RNF13: variants seen among roughly 807,000 people sequenced by gnomAD.
The protein encoded by RNF13 is ring finger protein 13.
Under a neutral mutation model 37.7 loss-of-function variants are expected in RNF13, and 19 were observed. The ratio of observed to expected loss-of-function variants is 0.50; its 90% CI spans 0.35 to 0.74. The LOEUF (loss-of-function observed/expected upper bound fraction) is 0.74. RNF13 is among the 30% of genes least tolerant of loss of function. RNF13 has a pLI of 0.01. For synonymous variants in RNF13, 144 were observed against 157.8 expected (o/e 0.91, Z 0.65); for missense variants, 375 against 453.0 (o/e 0.83, Z 1.56).
In RNF13 at chr3:149,872,052, A is replaced by G; in HGVS notation, c.219A>G (p.Pro73=). The change falls in exon 4 of 10, where the codon CCA becomes CCG. Residue 73 remains proline (P), a synonymous_variant. Transcript: ENST00000392894. ...GLKGFLINSK[P]ENACEPIVPP... ...AGGGTTTTTTGATTAACTCAAAACCAGAGAATGCCTGTGAACCCATAGTGC... is the reference window on the plus strand; with the variant it reads ...AGGGTTTTTTGATTAACTCAAAACCGGAGAATGCCTGTGAACCCATAGTGC... 6.2e-7 allele frequency: 1 copy of G among 1,601,076 alleles called. No individual in the cohort carries two copies. The highest frequency in any genetic ancestry group is 8.5e-7 in the Non-Finnish European group (1 of 1,176,550).
At chr3:149,855,804 C>T (rs1409995612) in intron 3 of RNF13, among the ~76,000 whole-genome samples, 1 of 152,018 alleles carries the variant, frequency 6.6e-6, no homozygotes, top group Non-Finnish European at 1.5e-5. Flanking sequence ...ACTTATCTCC[C>T]TATACTCTTG....
intron 7 of RNF13, among the ~76,000 whole-genome samples, chr3:149,912,474 T>C (rs1717091269): frequency 6.6e-6 from 1 of 152,150 alleles, no homozygotes; most frequent in African/African-American, 2.4e-5. Context: ...AAAAATTTAC[T>C]AAACCTAGTA....
chr3:149,919,130 T>C (rs1259626955), intron 7 of RNF13, among the ~76,000 whole-genome samples: 1 of 152,198 alleles, frequency 6.6e-6, no homozygotes. Context: ...GTGGTTACCA[T>C]TAAACTTTAA....
In RNF13 at chr3:149,852,557, TG is replaced by T; in HGVS notation, c.157del (p.Ala53GlnfsTer12). ...CATCTCAGACATTTGATGACCTCCC[TG>T]CAAGATTTGGTTATAGACTTCCAGC... ...NASQTFDDLP[A>X]RFGYRLPAEG... is the part of the protein sequence containing the mutation. On this transcript the variant is annotated frameshift_variant, in exon 3 of 10. Transcript: ENST00000392894. LOFTEE classifies it high-confidence loss of function. The T allele has an allele frequency of 6.4e-7, 1 of 1,565,238 alleles. No homozygotes were observed. The highest frequency in any genetic ancestry group is 1.2e-5 in the South Asian group (1 of 82,340).
At chr3:149,947,929 T>C (rs987181133) in intron 8 of RNF13, among the ~76,000 whole-genome samples, 2 of 152,130 alleles carry the variant, frequency 1.3e-5, no homozygotes, top group East Asian at 3.9e-4. Context: ...TTTCCACCTT[T>C]TCACTTTTAG....
intron 1 of RNF13, among the ~76,000 whole-genome samples, chr3:149,814,800 A>G (rs1173700078): frequency 6.6e-6 from 1 of 152,246 alleles, no homozygotes. Flanking sequence ...TTCCGTAAAT[A>G]AGAAATGAGT....
At chr3:149,847,050 G>C (rs1722708421) in intron 2 of RNF13, among the ~76,000 whole-genome samples, 1 of 152,174 alleles carries the variant, frequency 6.6e-6, no homozygotes, top group Admixed American at 6.6e-5. Flanking sequence ...GGCTTGACTA[G>C]TGAGCTTTCG....
chr3:149,873,964 G>GTAA (rs1712391615), intron 4 of RNF13, among the ~76,000 whole-genome samples: 1 of 152,120 alleles, frequency 6.6e-6, no homozygotes, highest in Non-Finnish European at 1.5e-5. Context: ...ATGAAGCTGT[G>GTAA]TAATAGTCTT....
chr3:149,870,237 CT>C (rs1214282809), intron 3 of RNF13, among the ~76,000 whole-genome samples: 2 of 151,662 alleles, frequency 1.3e-5, no homozygotes, highest in African/African-American at 4.8e-5. Flanking sequence ...TTTGGTCTTA[CT>C]TTTCCAGTGT....
chr3:149,954,445 GA>G (rs1473651472), intron 8 of RNF13, among the ~76,000 whole-genome samples: 3 of 151,788 alleles, frequency 2.0e-5, no homozygotes, highest in Non-Finnish European at 4.4e-5. Flanking sequence ...AAACAAAAAA[GA>G]AAAAAAGAAA....
intron 8 of RNF13, among the ~76,000 whole-genome samples, chr3:149,955,087 T>C (rs969096609): frequency 1.3e-5 from 2 of 152,178 alleles, no homozygotes; most frequent in Non-Finnish European, 2.9e-5. Context: ...ATGATAAAAG[T>C]AGATTTCATA....
At chr3:149,957,422 G>A (rs758590558) in intron 8 of RNF13, among the ~76,000 whole-genome samples, 1 of 151,950 alleles carries the variant, frequency 6.6e-6, no homozygotes, top group Non-Finnish European at 1.5e-5. Flanking sequence ...TATTTCTAAT[G>A]CATTCAACCT....
intron 6 of RNF13, among the ~76,000 whole-genome samples, chr3:149,906,756 A>T (rs1716453616): frequency 6.9e-6 from 1 of 144,664 alleles, no homozygotes; most frequent in South Asian, 2.2e-4. Context: ...GGCTCAGGTG[A>T]TCCTCCCACT....
At chr3:149,956,142 T>C (rs1343762788) in intron 8 of RNF13, among the ~76,000 whole-genome samples, 1 of 152,062 alleles carries the variant, frequency 6.6e-6, no homozygotes, top group Non-Finnish European at 1.5e-5. Context: ...GGAGGTCAAA[T>C]TTTATTCTCA....
rs1444966216 is a variant in RNF13, at chr3:149,833,886, A to G, written c.-16-12125A>G. Among the ~76,000 whole-genome samples the G allele has an allele frequency of 2.0e-5, 3 of 152,226 alleles. No individual in the cohort carries two copies. The East Asian group carries it at 5.8e-4, about 29-fold the overall frequency. On this transcript the variant is annotated intron_variant, in intron 1 of 9. Coordinates refer to ENST00000392894, the MANE Select transcript of RNF13 (RefSeq NM_183381.3). ...TCTAAGATTCCACAAAAGAAAAAAT[A>G]TCTGATAGAACTATTAATAATAAAT...
chr3:149,908,952 A>C (rs766267806), intron 6 of RNF13, among the ~76,000 whole-genome samples: 1 of 152,174 alleles, frequency 6.6e-6, no homozygotes, highest in Admixed American at 6.5e-5. Flanking sequence ...TCAGTGATCA[A>C]ATCTTAGCTG....
intron 7 of RNF13, among the ~76,000 whole-genome samples, chr3:149,917,862 TTTA>T (rs891653759): frequency 1.1e-3 from 164 of 152,316 alleles, no homozygotes; most frequent in African/African-American, 3.9e-3. Flanking sequence ...TTTTAACAGC[TTTA>T]TTGAGACATA....
intron 4 of RNF13, among the ~76,000 whole-genome samples, chr3:149,891,781 A>G (rs909196766): frequency 6.6e-6 from 1 of 152,190 alleles, no homozygotes; most frequent in African/African-American, 2.4e-5. Flanking sequence ...CTTTGCTTCC[A>G]TCTGACACCA....
intron 6 of RNF13, among the ~76,000 whole-genome samples, chr3:149,905,850 G>A (rs910598444): frequency 3.9e-5 from 6 of 151,938 alleles, no homozygotes; most frequent in African/African-American, 1.2e-4. Flanking sequence ...ATACCATAAG[G>A]TTTACCCATT....
Sources: allele counts gnomAD v4.1 joint callset (sites outside exome capture counted in the v4.1 genomes callset), GRCh38; gene constraint gnomAD v4.1.1; transcripts MANE v1.5; gene names NCBI Gene and HGNC (gene_info 2026-07-23, HGNC 2026-07-21).